BANP: variants seen among roughly 807,000 people sequenced by gnomAD.
BANP encodes BTG3 associated nuclear protein, also known as protein BANP.
In BANP, 11 loss-of-function variants were observed where a neutral mutation model predicts 68.1. That is an observed-to-expected ratio of 0.16 (90% confidence interval 0.10 to 0.27). The LOEUF (loss-of-function observed/expected upper bound fraction) is 0.27. Among genes scored for constraint, BANP ranks in the 10% least tolerant of loss-of-function variants. The pLI is 1.00. For synonymous variants in BANP, 329 were observed against 303.2 expected (o/e 1.09, Z -0.88); for missense variants, 504 against 722.7 (o/e 0.70, Z 3.47).
At chr16:88,023,111 G>A (rs1403185715) in intron 7 of BANP, among the ~76,000 whole-genome samples, 1 of 152,170 alleles carries the variant, frequency 6.6e-6, no homozygotes, top group Non-Finnish European at 1.5e-5. Context: ...CCATGCAGGG[G>A]TGGGTGTTTG....
chr16:87,975,480 CCT>C (rs2061855802), intron 2 of BANP, among the ~76,000 whole-genome samples: 1 of 152,190 alleles, frequency 6.6e-6, no homozygotes, highest in Non-Finnish European at 1.5e-5. Context: ...CTGCCGCGTC[CCT>C]GTGTGCGGCG....
In BANP at chr16:88,036,074, A is replaced by T. The variant is rs572716205; in HGVS notation, c.1272+680A>T. Among the ~76,000 whole-genome samples the T allele has an allele frequency of 3.9e-5, 6 of 152,202 alleles. No homozygotes were observed. The highest frequency in any genetic ancestry group is 8.8e-5 in the Non-Finnish European group (6 of 68,036). On this transcript the variant is annotated intron_variant, in intron 10 of 13. Coordinates refer to ENST00000682872, the MANE Select transcript of BANP (RefSeq NM_001386991.1). This position sits in a 1 kb window ranked among gnomAD's most constrained non-coding sequence, Gnocchi z 4.2. Reference sequence around the variant, plus strand: ...CTCCATGTTTGCATGCCAGAGCAGGACTGTCTCCCGGGTGACCGTCCTTCG... The same window carrying T: ...CTCCATGTTTGCATGCCAGAGCAGGTCTGTCTCCCGGGTGACCGTCCTTCG...
rs951226373 is a variant in BANP at position 88,006,539 on chromosome 16, G to A, written c.655+274G>A. Among the ~76,000 whole-genome samples, 16 of 151,758 alleles carry A rather than the reference G, an allele frequency of 1.1e-4. No homozygotes were observed. The East Asian group carries it at 2.9e-3, about 28-fold the overall frequency. On this transcript the variant is annotated intron_variant, in intron 6 of 13. Coordinates refer to ENST00000682872, the MANE Select transcript of BANP (RefSeq NM_001386991.1). ...CAGGTGCCTGTAATCCCAGCTACTC[G>A]GGAGGCTGAGGCAGGAGAATCGCTT...
At chr16:88,042,809 C>T (rs538197095) in intron 11 of BANP, among the ~76,000 whole-genome samples, 1 of 151,950 alleles carries the variant, frequency 6.6e-6, no homozygotes, top group Admixed American at 6.5e-5. Flanking sequence ...CCAAGCTACT[C>T]ATGAGGCTGA....
rs73235273 is a variant in BANP, at chr16:88,076,693, G to T, written c.*32G>T. On this transcript the variant is annotated 3_prime_UTR_variant, in exon 14 of 14. Coordinates refer to ENST00000682872, the MANE Select transcript of BANP (RefSeq NM_001386991.1). Reference sequence around the variant, plus strand: ...CCCATGGCACCAGGAGCCCCTCGCCGGCTCCGCCTACGGCCCGGCCCCCAC... The same window carrying T: ...CCCATGGCACCAGGAGCCCCTCGCCTGCTCCGCCTACGGCCCGGCCCCCAC... 2,974 of 1,588,066 alleles carry T rather than the reference G, an allele frequency of 1.9e-3. 32 individuals are homozygous for T. In the African/African-American group the frequency reaches 0.021, roughly 11 times the overall value.
intron 1 of BANP, among the ~76,000 whole-genome samples, chr16:87,971,688 C>T (rs2061157597): frequency 6.6e-6 from 1 of 150,880 alleles, no homozygotes; most frequent in South Asian, 2.1e-4. Flanking sequence ...GTTTTTTTCC[C>T]CCTAGGTTGT....
chr16:88,054,251 T>A (rs1233529608), intron 11 of BANP, among the ~76,000 whole-genome samples: 1 of 68,022 alleles, frequency 1.5e-5, no homozygotes, highest in Admixed American at 1.4e-4. Context: ...ACCAACACAG[T>A]CACCTTCACC....
intron 9 of BANP, 102 bp downstream of exon 9, chr16:88,033,347 C>A (rs1486052279): frequency 2.4e-6 from 3 of 1,242,380 alleles, no homozygotes; most frequent in Non-Finnish European, 3.2e-6. Flanking sequence ...TTTGGGAGCA[C>A]AGTGATAGCT....
At chr16:88,010,391 A>C (rs1376421452) in intron 6 of BANP, among the ~76,000 whole-genome samples, 1 of 152,180 alleles carries the variant, frequency 6.6e-6, no homozygotes, top group African/African-American at 2.4e-5. Context: ...ATTGCCAGGA[A>C]TTGGTCCCAT....
At chr16:87,952,016 C>T (rs1213394098) in intron 1 of BANP, among the ~76,000 whole-genome samples, 4 of 69,160 alleles carry the variant, frequency 5.8e-5, no homozygotes, top group Non-Finnish European at 1.1e-4. Context: ...GACTTGCACA[C>T]GCAAGGGGCG....
upstream of BANP, chr16:87,949,883 T>A (rs549997046): frequency 6.6e-6 from 1 of 151,576 alleles, no homozygotes; most frequent in South Asian, 2.1e-4. Context: ...TTCTTTTTTT[T>A]TTTTTTTTTC....
chr16:88,012,830 C>G (rs1313595677), intron 6 of BANP, among the ~76,000 whole-genome samples: 11 of 151,918 alleles, frequency 7.2e-5, no homozygotes, highest in Non-Finnish European at 1.5e-4. Flanking sequence ...TTGGTTAATT[C>G]CTTTCTATAG....
At position 88,076,714 on chromosome 16, in the gene BANP, C is replaced by T. The variant is rs889413976; in HGVS notation, c.*53C>T. The T allele has an allele frequency of 4.1e-6, 6 of 1,480,202 alleles. No homozygotes were observed. Among genetic ancestry groups the T allele is most frequent in the East Asian group, 2.3e-5 (1 of 42,572 alleles). The allele number at this position is 1,480,202 out of a possible 1,614,324, so 91.7% of individuals were successfully genotyped here. A position where few individuals can be genotyped will look rare whatever the true frequency, so the allele number is the denominator to read the frequency against. Reference sequence around the variant, plus strand: ...CGCCGGCTCCGCCTACGGCCCGGCCCCCACGCGCCCTGCTCTCACGGCCTC... The same window carrying T: ...CGCCGGCTCCGCCTACGGCCCGGCCTCCACGCGCCCTGCTCTCACGGCCTC... On this transcript the variant is annotated 3_prime_UTR_variant, in exon 14 of 14. Transcript: ENST00000682872.
chr16:88,035,208 G>A (rs2079049684), intron 9 of BANP, 115 bp from the exon 10 acceptor site: 1 of 1,008,834 alleles, frequency 9.9e-7, no homozygotes, highest in Non-Finnish European at 1.5e-6. Context: ...TCAGGATTTA[G>A]TTATCTTTTT....
intron 11 of BANP, among the ~76,000 whole-genome samples, chr16:88,053,718 C>T (rs1292862833): frequency 6.7e-6 from 1 of 149,508 alleles, no homozygotes; most frequent in African/African-American, 2.5e-5. Flanking sequence ...TCATCACCAA[C>T]ACAACCACCT....
rs186481702 is a variant in BANP, at chr16:87,981,227, C to G, written c.162+100C>G. On this transcript the variant is annotated intron_variant, in intron 3 of 13. Coordinates refer to ENST00000682872, the MANE Select transcript of BANP (RefSeq NM_001386991.1). ...ATGGGATGGCTTCAAAATGTAGCCTCTCAGCTGTGGAGGCCAGAGATCCAA... is the reference window on the plus strand; with the variant it reads ...ATGGGATGGCTTCAAAATGTAGCCTGTCAGCTGTGGAGGCCAGAGATCCAA... 7.5e-5 allele frequency: 67 copies of G among 895,618 alleles called. No homozygotes were observed. The East Asian group carries it at 1.5e-3, about 21-fold the overall frequency. The allele number at this position is 895,618 out of a possible 1,614,324, so 55.5% of individuals were successfully genotyped here. A position where few individuals can be genotyped will look rare whatever the true frequency, so the allele number is the denominator to read the frequency against.
intron 6 of BANP, among the ~76,000 whole-genome samples, chr16:88,013,232 C>T (rs2073648761): frequency 6.6e-6 from 1 of 152,256 alleles, no homozygotes; most frequent in Non-Finnish European, 1.5e-5. Flanking sequence ...CGTCTGAGCG[C>T]CTCTCCCGTG....
chr16:88,061,062 C>T (rs528953003), intron 11 of BANP, among the ~76,000 whole-genome samples: 24 of 152,258 alleles, frequency 1.6e-4, no homozygotes, highest in African/African-American at 4.8e-4. Context: ...GGCAAGCACC[C>T]GCAGGCCTCC....
At chr16:87,976,269 C>A (rs2062099824) in intron 2 of BANP, among the ~76,000 whole-genome samples, 1 of 152,086 alleles carries the variant, frequency 6.6e-6, no homozygotes, top group East Asian at 1.9e-4. Flanking sequence ...CTAATTCTTC[C>A]ACGGACAGTG....
Sources: gnomAD v4.1 joint callset for allele counts (sites outside exome capture counted in the v4.1 genomes callset) on GRCh38, gnomAD v4.1.1 for gene constraint, Gnocchi (gnomAD v3.1) non-coding constraint, MANE v1.5 for transcripts, NCBI Gene and HGNC (gene_info 2026-07-23, HGNC 2026-07-21) for gene names.